Variants in CADM2 observed in about 807,000 individuals in gnomAD.
CADM2 encodes the protein immunoglobulin superfamily member 4D.
A neutral mutation model predicts 49.8 loss-of-function variants in CADM2; 12 were observed. That is an observed-to-expected ratio of 0.24 (90% confidence interval 0.15 to 0.39). The LOEUF (loss-of-function observed/expected upper bound fraction) is 0.39. CADM2 is among the 10% of genes least tolerant of loss of function. The probability of loss-of-function intolerance (pLI) is 1.00; values close to 1 mark genes in which losing one functional copy is unlikely to be tolerated. For synonymous variants in CADM2, 214 were observed against 175.4 expected, an observed-to-expected ratio of 1.22 and a Z score of -1.74; for missense variants, 378 against 492.3, an observed-to-expected ratio of 0.77 and a Z score of 2.20.
At chr3:85,898,937 G>GTGTGTGTATATATATATATATATA (rs796467067) in intron 5 of CADM2, among the ~76,000 whole-genome samples, 1 of 46,698 alleles carries the variant, frequency 2.1e-5, no homozygotes, top group African/African-American at 1.1e-4. Flanking sequence ...CATTTATTGT[G>GTGTGTGTATATATATATATATATA]TATATATATA....
intron 1 of CADM2, among the ~76,000 whole-genome samples, chr3:85,017,798 C>T (rs1031253425): frequency 4.6e-5 from 7 of 152,060 alleles, no homozygotes; most frequent in Non-Finnish European, 8.8e-5. Context: ...GTTTTCGTGA[C>T]ATGGAGGAAG....
At chr3:85,969,713 G>C (rs1725880465) in intron 8 of CADM2, among the ~76,000 whole-genome samples, 2 of 150,812 alleles carry the variant, frequency 1.3e-5, no homozygotes, top group African/African-American at 4.9e-5. Flanking sequence ...GACCTCCTAG[G>C]AAACAGATAT....
rs76683843 is a variant in CADM2, at chr3:85,404,707, T to C, written c.62-321815T>C. Reference sequence around the variant, plus strand: ...ATAAATGTGGGGATATCTGTTAGAATAGGATGTATGATGGCTTGGTCTTCA... The same window carrying C: ...ATAAATGTGGGGATATCTGTTAGAACAGGATGTATGATGGCTTGGTCTTCA... On this transcript the variant is annotated intron_variant, in intron 1 of 9. Coordinates refer to ENST00000383699, the MANE Select transcript of CADM2 (RefSeq NM_001167675.2). 3.9e-5 allele frequency among the ~76,000 whole-genome samples: 6 copies of C among 152,278 alleles called. No individual in the cohort carries two copies. In the East Asian group the frequency reaches 9.6e-4, roughly 24 times the overall value.
intron 1 of CADM2, among the ~76,000 whole-genome samples, chr3:85,664,062 A>T (rs1263991280): frequency 2.0e-5 from 3 of 151,912 alleles, no homozygotes; most frequent in Admixed American, 1.3e-4. Flanking sequence ...TTCAACTTCT[A>T]TGTTTCTTTT....
At chr3:85,437,021 C>A (rs542604726) in intron 1 of CADM2, among the ~76,000 whole-genome samples, 24 of 152,174 alleles carry the variant, frequency 1.6e-4, no homozygotes, top group African/African-American at 5.8e-4. Flanking sequence ...CTCCTCTAGT[C>A]CCTGGCAACC....
chr3:85,909,278 A>G (rs1294993367), intron 5 of CADM2, among the ~76,000 whole-genome samples: 1 of 152,054 alleles, frequency 6.6e-6, no homozygotes, highest in Non-Finnish European at 1.5e-5. Context: ...GGTTATGTGG[A>G]TTATGAAAGA....
intron 1 of CADM2, among the ~76,000 whole-genome samples, chr3:85,460,464 C>T (rs1288330311): frequency 1.3e-5 from 2 of 152,076 alleles, no homozygotes; most frequent in African/African-American, 4.8e-5. Context: ...GCCTTCCTTG[C>T]ATTTCAAAAT....
intron 7 of CADM2, among the ~76,000 whole-genome samples, chr3:85,949,298 G>T (rs1485448820): frequency 6.6e-6 from 1 of 151,362 alleles, no homozygotes; most frequent in Non-Finnish European, 1.5e-5. Flanking sequence ...ATTATTTCTT[G>T]TATATATGTG....
At chr3:85,019,653 A>G (rs1364767408) in intron 1 of CADM2, among the ~76,000 whole-genome samples, 1 of 152,210 alleles carries the variant, frequency 6.6e-6, no homozygotes, top group African/African-American at 2.4e-5. Context: ...AAGGCTAGCA[A>G]AAAGAACTCC....
At chr3:85,160,531 T>C (rs1417631945) in intron 1 of CADM2, among the ~76,000 whole-genome samples, 2 of 152,168 alleles carry the variant, frequency 1.3e-5, no homozygotes, top group Non-Finnish European at 2.9e-5. Context: ...GTTGCTCATA[T>C]TGTAGGTTTT....
At chr3:85,049,632 G>C (rs1298190720) in intron 1 of CADM2, among the ~76,000 whole-genome samples, 1 of 85,464 alleles carries the variant, frequency 1.2e-5, no homozygotes, top group Admixed American at 1.2e-4. Flanking sequence ...TTACAAGTAT[G>C]AGCTACTGTG....
At chr3:85,520,338 A>T (rs1465257477) in intron 1 of CADM2, among the ~76,000 whole-genome samples, 1 of 151,890 alleles carries the variant, frequency 6.6e-6, no homozygotes, top group Non-Finnish European at 1.5e-5. Context: ...TAAGAAACAC[A>T]AATGTAAAGA....
chr3:85,071,955 T>C (rs1168409741), intron 1 of CADM2, among the ~76,000 whole-genome samples: 1 of 150,594 alleles, frequency 6.6e-6, no homozygotes, highest in African/African-American at 2.4e-5. Context: ...TTTTCTTCTA[T>C]ATAATAATAA....
At chr3:85,155,797 T>C (rs949986544) in intron 1 of CADM2, among the ~76,000 whole-genome samples, 3 of 152,152 alleles carry the variant, frequency 2.0e-5, no homozygotes, top group Non-Finnish European at 2.9e-5. Context: ...CACTCAAAAC[T>C]GCTCAACTAC....
At chr3:85,483,804 A>G (rs1261276599) in intron 1 of CADM2, among the ~76,000 whole-genome samples, 1 of 151,438 alleles carries the variant, frequency 6.6e-6, no homozygotes, top group Admixed American at 6.6e-5. Context: ...CTTATATATA[A>G]TTCATATTGT....
At chr3:85,924,210 A>T (rs1026342046) in intron 6 of CADM2, among the ~76,000 whole-genome samples, 2 of 152,202 alleles carry the variant, frequency 1.3e-5, no homozygotes, top group South Asian at 4.1e-4. Context: ...ATAAAGAAAG[A>T]ACACAAATTA....
chr3:85,509,460 C>G (rs1445256855), intron 1 of CADM2, among the ~76,000 whole-genome samples: 1 of 152,068 alleles, frequency 6.6e-6, no homozygotes, highest in Non-Finnish European at 1.5e-5. Flanking sequence ...TACTATTTAG[C>G]TTTCTCCAGT....
At chr3:85,378,634 C>T (rs1449818436) in intron 1 of CADM2, among the ~76,000 whole-genome samples, 1 of 151,914 alleles carries the variant, frequency 6.6e-6, no homozygotes, top group Non-Finnish European at 1.5e-5. Context: ...TCACATTTCT[C>T]AGCGAAAATG....
At chr3:85,276,136 G>A (rs953332962) in intron 1 of CADM2, among the ~76,000 whole-genome samples, 1 of 151,052 alleles carries the variant, frequency 6.6e-6, no homozygotes, top group African/African-American at 2.4e-5. Context: ...ACTTGTTCTA[G>A]TATCTCTTAC....
Sources: allele counts gnomAD v4.1 joint callset (sites outside exome capture counted in the v4.1 genomes callset), GRCh38; gene constraint gnomAD v4.1.1; transcripts MANE v1.5; gene names NCBI Gene and HGNC (gene_info 2026-07-23, HGNC 2026-07-21).